The following PFKP variants were observed in gnomAD, a reference collection of about 807,000 sequenced individuals.
The protein encoded by PFKP is phosphofructokinase, platelet.
In PFKP, 101 loss-of-function variants were observed where a neutral mutation model predicts 94.3. That is an observed-to-expected ratio of 1.07 (90% CI 0.91 to 1.26). The LOEUF is 1.26. Ranked by LOEUF, PFKP falls within the 50% of genes most tolerant of loss-of-function variation. The pLI is 0.00. For missense variants in PFKP, 1,145 were observed against 1,103.3 expected, an observed-to-expected ratio of 1.04 and a Z score of -0.53; for synonymous variants, 573 against 432.6, an observed-to-expected ratio of 1.32 and a Z score of -4.03.
Position 3,136,673 on chromosome 10 carries a change from G to T in PFKP, c.*94G>T, listed in dbSNP as rs543. On this transcript the variant is annotated 3_prime_UTR_variant, in exon 22 of 22. Transcript: ENST00000381125. ...ATCAGCACTTTATGCACGTATTATT[G>T]ACATTAATACCTAATCGGCGAGTGC... 2.2e-6 allele frequency: 3 copies of T among 1,381,698 alleles called. No homozygotes were observed. Among genetic ancestry groups the T allele is most frequent in the African/African-American group, 1.4e-5 (1 of 70,250 alleles). 85.6% of individuals were successfully genotyped at this position (1,381,698 alleles called of 1,614,324 possible). A position where few individuals can be genotyped will look rare whatever the true frequency, so the allele number is the denominator to read the frequency against.
chr10:3,132,318 C>T (rs11593072), intron 17 of PFKP, 62 bp from the exon 18 acceptor site: 2 of 1,246,956 alleles, frequency 1.6e-6, no homozygotes, highest in Non-Finnish European at 2.4e-6. Context: ...CCTGCAGTGC[C>T]TGGCACACAG....
intron 16 of PFKP, among the ~76,000 whole-genome samples, chr10:3,126,700 T>C (rs1451383383): frequency 2.0e-5 from 3 of 152,240 alleles, no homozygotes; most frequent in Admixed American, 6.5e-5. Context: ...TTTTTCTACG[T>C]TAATGCTGTA....
At chr10:3,096,522 C>T (rs1834490811) in intron 2 of PFKP, among the ~76,000 whole-genome samples, 1 of 152,186 alleles carries the variant, frequency 6.6e-6, no homozygotes, top group South Asian at 2.1e-4. Flanking sequence ...GTTTCTGCTG[C>T]AGTTCAGGCC....
chr10:3,136,765 A>G lies in PFKP; in HGVS notation c.*186A>G, dbSNP rs1839428139. ...GTGTCTCATGCTTTCAGATGTGCAT[A>G]TGAGCAGAATTAATTAAACATTTGC... On this transcript the variant is annotated 3_prime_UTR_variant, in exon 22 of 22. Coordinates refer to ENST00000381125, the MANE Select transcript of PFKP (RefSeq NM_002627.5). 9.4e-6 allele frequency: 5 copies of G among 533,252 alleles called. No homozygotes were observed. The South Asian group carries it at 1.1e-4, about 12-fold the overall frequency. The allele number at this position is 533,252 out of a possible 1,614,324, so 33.0% of individuals were successfully genotyped here.
Position 3,136,566 on chromosome 10 carries a change from C to T in PFKP, c.2342C>T (p.Pro781Leu), listed in dbSNP as rs1464311996. Reference sequence around the variant, plus strand: ...TCAGGCCAGCTGGAACATGTGCAGCCCTGGAGTGTCTGACCCAGTCCCGCC... The same window carrying T: ...TCAGGCCAGCTGGAACATGTGCAGCTCTGGAGTGTCTGACCCAGTCCCGCC... ...SDSGQLEHVQ[P>L]WSV is the part of the protein sequence containing the mutation. The change falls in exon 22 of 22, where the codon CCC (proline) becomes CTC (leucine). Residue 781 changes from proline (P) to leucine (L), a missense_variant. Pro to Leu is a moderately conservative substitution (Grantham distance 98). Transcript: ENST00000381125. The T allele has an allele frequency of 1.9e-6, 3 of 1,613,308 alleles. No individual in the cohort carries two copies. Among genetic ancestry groups the T allele is most frequent in the Admixed American group, 1.7e-5 (1 of 59,954 alleles).
At chr10:3,108,842 G>A (rs1254980779) in intron 9 of PFKP, 49 bp downstream of exon 9, 5 of 1,347,586 alleles carry the variant, frequency 3.7e-6, no homozygotes, top group South Asian at 2.3e-5. Context: ...AGGAGGAAGC[G>A]TTTCTGGAGA....
At chr10:3,123,732 C>T (rs1168285775) in intron 16 of PFKP, among the ~76,000 whole-genome samples, 3 of 152,282 alleles carry the variant, frequency 2.0e-5, no homozygotes, top group Admixed American at 1.3e-4. Flanking sequence ...TGAGGGGCCA[C>T]ATCCTGGGCA....
intron 13 of PFKP, among the ~76,000 whole-genome samples, chr10:3,114,040 T>TGGGG: frequency 4.8e-5 from 1 of 20,996 alleles, no homozygotes; most frequent in Non-Finnish European, 1.8e-4. Flanking sequence ...AACCGAGGCA[T>TGGGG]AGGGCTGGGT....
At chr10:3,103,726 C>A in intron 4 of PFKP, 53 bp from the exon 5 acceptor site, 1 of 1,601,840 alleles carries the variant, frequency 6.2e-7, no homozygotes, top group Non-Finnish European at 8.5e-7. Context: ...TGGGGCACCC[C>A]CCGAACGCGC....
intron 1 of PFKP, among the ~76,000 whole-genome samples, chr10:3,076,919 G>A (rs991421766): frequency 3.9e-5 from 6 of 152,246 alleles, no homozygotes; most frequent in African/African-American, 1.2e-4. Context: ...GACAGAATCT[G>A]CCTTTGGCAT....
chr10:3,110,941 GTAGTGTGTGTGCATGT>G (rs554180337), intron 10 of PFKP, among the ~76,000 whole-genome samples: 344 of 150,872 alleles, frequency 2.3e-3, no homozygotes, highest in East Asian at 8.0e-3. Context: ...TTTTTGTGAG[GTAGTGTGTGTGCATGT>G]TAGTGTGTGT....
chr10:3,120,035 T>C lies in PFKP; in HGVS notation c.1674T>C (p.Thr558=). ...FSIGADTALN[T]ITDTCDRIKQ... is the part of the protein sequence containing the mutation. ...TCGGGGCAGACACCGCCCTGAACAC[T>C]ATCACCGACGTAAGTCCGTGTGCGC... is the stretch of plus-strand genomic sequence containing the variant. Residue 558 remains threonine (T), a synonymous_variant, in exon 16 of 22, where the codon ACT becomes ACC. Transcript: ENST00000381125. 2 of 1,613,988 alleles carry C rather than the reference T, an allele frequency of 1.2e-6. No homozygotes were observed. The highest frequency in any genetic ancestry group is 1.7e-6 in the Non-Finnish European group (2 of 1,179,988).
chr10:3,134,439 G>GACACT, intron 19 of PFKP, 44 bp from the exon 20 acceptor site: 1 of 794,778 alleles, frequency 1.3e-6, no homozygotes, highest in Non-Finnish European at 2.0e-6. Flanking sequence ...ACAGCAAAGT[G>GACACT]TTACTGTATA....
intron 20 of PFKP, 74 bp downstream of exon 20, chr10:3,134,656 C>A (rs1036641481): frequency 4.3e-6 from 4 of 934,592 alleles, no homozygotes; most frequent in South Asian, 4.0e-5. Context: ...GCTGTCCTAT[C>A]GGGGAGAAGT....
intron 1 of PFKP, among the ~76,000 whole-genome samples, chr10:3,077,564 C>T (rs1832720907): frequency 6.7e-6 from 1 of 150,302 alleles, no homozygotes; most frequent in Non-Finnish European, 1.5e-5. Context: ...TCGTGCCTGG[C>T]CTATTCCTTA....
At chr10:3,118,118 T>C (rs192805977) in intron 14 of PFKP, among the ~76,000 whole-genome samples, 243 of 152,258 alleles carry the variant, frequency 1.6e-3, no homozygotes, top group Middle Eastern at 3.4e-3. Context: ...GATGGGATTT[T>C]AAATGAGATC....
At chr10:3,095,153 C>T (rs1403375705) in intron 2 of PFKP, among the ~76,000 whole-genome samples, 1 of 124,424 alleles carries the variant, frequency 8.0e-6, no homozygotes, top group Admixed American at 8.0e-5. Context: ...AAAAAGCCTA[C>T]TGCTGCAACA....
At chr10:3,106,519 T>C (rs1023484331) in intron 7 of PFKP, among the ~76,000 whole-genome samples, 1 of 150,708 alleles carries the variant, frequency 6.6e-6, no homozygotes, top group African/African-American at 2.4e-5. Flanking sequence ...CACATTTCTA[T>C]CTGCGGTGGT....
At chr10:3,116,978 G>GT (rs1361421614) in intron 14 of PFKP, 132 bp downstream of exon 14, 2 of 740,912 alleles carry the variant, frequency 2.7e-6, no homozygotes, top group Non-Finnish European at 4.9e-6. Context: ...GGTGCAGGCA[G>GT]TTACCGGTCC....
Sources: allele counts gnomAD v4.1 joint callset (sites outside exome capture counted in the v4.1 genomes callset), GRCh38; gene constraint gnomAD v4.1.1; transcripts MANE v1.5; gene names NCBI Gene and HGNC (gene_info 2026-07-23, HGNC 2026-07-21).